The following CIAO2B variants were observed in gnomAD, a reference collection of about 807,000 sequenced individuals.
CIAO2B encodes cytosolic iron-sulfur assembly component 2B, also known as MSS19-interacting protein of 18 kDa.
Under a neutral mutation model 16.4 loss-of-function variants are expected in CIAO2B, and 20 were observed. The observed-to-expected ratio is 1.22, with a 90% CI of 0.86 to 1.77. The LOEUF (loss-of-function observed/expected upper bound fraction) is 1.77. CIAO2B is among the 40% of genes most tolerant of loss of function. CIAO2B has a pLI of 0.00. For synonymous variants in CIAO2B, 106 were observed against 90.4 expected, an observed-to-expected ratio of 1.17 and a Z score of -0.98; for missense variants, 215 against 222.4, an observed-to-expected ratio of 0.97 and a Z score of 0.21.
Position 66,934,184 on chromosome 16 carries a change from A to C in CIAO2B, c.142+39T>G. On this transcript the variant is annotated intron_variant, in intron 1 of 4. Coordinates refer to ENST00000422424, the MANE Select transcript of CIAO2B (RefSeq NM_016062.4). This position sits in a 1 kb window ranked among gnomAD's most constrained non-coding sequence, Gnocchi z 4.1. The stretch of plus-strand genomic sequence containing the variant: ...CGATATCACTGCTCCCCCCACCGCA[A>C]GCCCCCGGAACCCGCCCGCGCCCAG... The C allele has an allele frequency of 6.2e-7, 1 of 1,608,672 alleles. No homozygotes were observed. The highest frequency in any genetic ancestry group is 1.3e-5 in the African/African-American group (1 of 74,960).
In CIAO2B at chr16:66,934,365, C is replaced by G. The variant is rs375950439; in HGVS notation, c.-1G>C. 6.5e-7 allele frequency: 1 copy of G among 1,550,378 alleles called. No homozygotes were observed. Among genetic ancestry groups the G allele is most frequent in the East Asian group, 2.4e-5 (1 of 42,548 alleles). ...CGCCGACCCCGCCGCCGCCTACCAT[C>G]GCGGAACCACCACCGCTGATCCTAG... On this transcript the variant is annotated 5_prime_UTR_variant, in exon 1 of 5. Coordinates refer to ENST00000422424, the MANE Select transcript of CIAO2B (RefSeq NM_016062.4). The surrounding 1 kb of genome is among the most constrained non-coding windows in gnomAD (Gnocchi z 4.1).
chr16:66,934,242 G>A lies in CIAO2B; in HGVS notation c.123C>T (p.Ile41=), dbSNP rs1381360481. The A allele has an allele frequency of 6.2e-7, 1 of 1,609,642 alleles. No individual in the cohort carries two copies. Among genetic ancestry groups the A allele is most frequent in the Non-Finnish European group, 8.5e-7 (1 of 1,179,382 alleles). Residue 41 remains isoleucine (I), a synonymous_variant, in exon 1 of 5, where the codon ATC becomes ATT. Coordinates refer to ENST00000422424, the MANE Select transcript of CIAO2B (RefSeq NM_016062.4). The surrounding 1 kb of genome is among the most constrained non-coding windows in gnomAD (Gnocchi z 4.1). ...GGATATCGAAGATCTCGCGTGCGTC[G>A]ATGCTGTCGGGAACCTGCTCGTCCT... ...GEEDEQVPDS[I]DAREIFDLIR... is the part of the protein sequence containing the mutation.
At chr16:66,933,851 C>T in intron 2 of CIAO2B, 112 bp from the exon 3 acceptor site, 3 of 1,537,072 alleles carry the variant, frequency 2.0e-6, no homozygotes, top group Non-Finnish European at 2.6e-6. Flanking sequence ...AGTTTCAACA[C>T]CCATAAAATA....
In CIAO2B at chr16:66,932,805, C is replaced by T. The variant is rs771948882; in HGVS notation, c.369G>A (p.Pro123=). 27 of 1,611,730 alleles carry T rather than the reference C, an allele frequency of 1.7e-5. No homozygotes were observed. The highest frequency in any genetic ancestry group is 2.7e-5 in the African/African-American group (2 of 74,818). ...CTGCATGCTCTGAGGCATGGGTCCC[C>T]GGAGTAATGTGCACGTCCATCTGGG... ...QRFKMDVHIT[P]GTHASEHAVN... The change falls in exon 4 of 5, where the codon CCG becomes CCA. Residue 123 remains proline (P), a synonymous_variant. Coordinates refer to ENST00000422424, the MANE Select transcript of CIAO2B (RefSeq NM_016062.4).
In CIAO2B at chr16:66,932,115, T is replaced by C. The variant is rs1963065597; in HGVS notation, c.*88A>G. The C allele has an allele frequency of 4.2e-6, 4 of 941,978 alleles. No individual in the cohort carries two copies. Among genetic ancestry groups the C allele is most frequent in the Admixed American group, 2.7e-5 (1 of 36,432 alleles). 58.4% of individuals were successfully genotyped at this position (941,978 alleles called of 1,614,324 possible). A position where few individuals can be genotyped will look rare whatever the true frequency, so the allele number is the denominator to read the frequency against. On this transcript the variant is annotated 3_prime_UTR_variant, in exon 5 of 5. Transcript: ENST00000422424. ...AAAGCAAAATGTTAGTTTCTCATTG[T>C]GAGTGATTCAAGAAAACAACGGTAA... is the stretch of plus-strand genomic sequence containing the variant.
intron 2 of CIAO2B, 49 bp downstream of exon 2, chr16:66,933,938 A>T: frequency 1.2e-6 from 2 of 1,607,570 alleles, no homozygotes; most frequent in Non-Finnish European, 1.7e-6. Flanking sequence ...GCTGCACAGA[A>T]ACCTTTCTGA....
rs1404323006 is a variant in CIAO2B at position 66,932,949 on chromosome 16, G to A, written c.349-124C>T. On this transcript the variant is annotated intron_variant, in intron 3 of 4. Transcript: ENST00000422424. ...CTCCTAATCATGCCTTTGGACTCTG[G>A]CCCTTCCGTTACACCCCAAACCCAT... is the stretch of plus-strand genomic sequence containing the variant. 11 of 1,051,190 alleles carry A rather than the reference G, an allele frequency of 1.0e-5. No homozygotes were observed. The Admixed American group carries it at 2.2e-4, about 21-fold the overall frequency. The allele number at this position is 1,051,190 out of a possible 1,614,324, so 65.1% of individuals were successfully genotyped here.
chr16:66,932,975 C>T (rs1963088620), intron 3 of CIAO2B, 150 bp from the exon 4 acceptor site: 2 of 776,454 alleles, frequency 2.6e-6, no homozygotes, highest in Non-Finnish European at 4.2e-6. Flanking sequence ...CCAAACCCAT[C>T]CACAGGTATT....
Position 66,932,445 on chromosome 16 carries a change from C to T in CIAO2B, c.395-145G>A, listed in dbSNP as rs1483030502. On this transcript the variant is annotated intron_variant, in intron 4 of 4. Coordinates refer to ENST00000422424, the MANE Select transcript of CIAO2B (RefSeq NM_016062.4). ...CTGTCACCTCCTTCCCAGGACCCCACATATTGATCAGGCTACTTCAACCAC... is the reference window on the plus strand; with the variant it reads ...CTGTCACCTCCTTCCCAGGACCCCATATATTGATCAGGCTACTTCAACCAC... 1.1e-5 allele frequency: 8 copies of T among 751,388 alleles called. No homozygotes were observed. The Admixed American group carries it at 1.4e-4, about 13-fold the overall frequency. 46.5% of individuals were successfully genotyped at this position (751,388 alleles called of 1,614,324 possible). A position where few individuals can be genotyped will look rare whatever the true frequency, so the allele number is the denominator to read the frequency against.
chr16:66,933,090 T>C (rs1963091430), intron 3 of CIAO2B, among the ~76,000 whole-genome samples: 1 of 152,000 alleles, frequency 6.6e-6, no homozygotes, highest in Admixed American at 6.6e-5. Flanking sequence ...CAGGTTCAAT[T>C]TGATTCTCCT....
intron 4 of CIAO2B, chr16:66,932,569 G>A: frequency 1.4e-6 from 1 of 732,940 alleles, no homozygotes; most frequent in East Asian, 2.7e-5. Context: ...TTGGTGAGAG[G>A]GGATTTGGGA....
intron 4 of CIAO2B, 92 bp from the exon 5 acceptor site, chr16:66,932,392 A>G: frequency 1.0e-6 from 1 of 976,844 alleles, no homozygotes; most frequent in Non-Finnish European, 1.6e-6. Context: ...TCTATATAGG[A>G]TATGTCCCCC....
intron 3 of CIAO2B, 125 bp from the exon 4 acceptor site, chr16:66,932,950 C>A: frequency 9.6e-7 from 1 of 1,037,074 alleles, no homozygotes; most frequent in Non-Finnish European, 1.4e-6. Flanking sequence ...TGGACTCTGG[C>A]CCTTCCGTTA....
At chr16:66,933,334 T>A in intron 3 of CIAO2B, 1 of 430,722 alleles carries the variant, frequency 2.3e-6, no homozygotes, top group Non-Finnish European at 4.2e-6. Context: ...CTACTGTTGA[T>A]TTAAAGGCCT....
At chr16:66,932,403 G>C (rs1205000913) in intron 4 of CIAO2B, 103 bp from the exon 5 acceptor site, 1 of 901,492 alleles carries the variant, frequency 1.1e-6, no homozygotes, top group Non-Finnish European at 1.8e-6. Flanking sequence ...TATGTCCCCC[G>C]CAGCAACAGA....
Position 66,934,028 on chromosome 16 carries a change from T to G in CIAO2B, c.181A>C (p.Thr61Pro). ...RSINDPEHPL[T>P]LEELNVVEQV... is the part of the protein sequence containing the mutation. ...TCTACTACGTTCAACTCCTCTAGCG[T>G]CAGTGGATGCTCCGGGTCATTGATG... Residue 61 changes from threonine (T) to proline (P), a missense_variant, in exon 2 of 5, where the codon ACG becomes CCG. By Grantham distance (38) the Thr-to-Pro change is conservative. Coordinates refer to ENST00000422424, the MANE Select transcript of CIAO2B (RefSeq NM_016062.4). This position sits in a 1 kb window ranked among gnomAD's most constrained non-coding sequence, Gnocchi z 4.1. 1.2e-6 allele frequency: 2 copies of G among 1,613,748 alleles called. No homozygotes were observed. Among genetic ancestry groups the G allele is most frequent in the Non-Finnish European group, 1.7e-6 (2 of 1,179,856 alleles).
chr16:66,933,590 T>A (rs374659607), intron 3 of CIAO2B, 24 bp downstream of exon 3: 16 of 1,606,216 alleles, frequency 1.0e-5, no homozygotes, highest in Non-Finnish European at 1.4e-5. Flanking sequence ...CTGGTCTCAC[T>A]CCCGGGGCTC....
In CIAO2B at chr16:66,934,207, C is replaced by G. The variant is rs1963135618; in HGVS notation, c.142+16G>C. 2 of 1,608,462 alleles carry G rather than the reference C, an allele frequency of 1.2e-6. No individual in the cohort carries two copies. Among genetic ancestry groups the G allele is most frequent in the Non-Finnish European group, 1.7e-6 (2 of 1,177,688 alleles). Reference sequence around the variant, plus strand: ...CAAGCCCCCGGAACCCGCCCGCGCCCAGCAGCGGCGGATATCGAAGATCTC... The same window carrying G: ...CAAGCCCCCGGAACCCGCCCGCGCCGAGCAGCGGCGGATATCGAAGATCTC... On this transcript the variant is annotated intron_variant, in intron 1 of 4. Coordinates refer to ENST00000422424, the MANE Select transcript of CIAO2B (RefSeq NM_016062.4). This position sits in a 1 kb window ranked among gnomAD's most constrained non-coding sequence, Gnocchi z 4.1.
chr16:66,932,263 AG>A lies in CIAO2B; in HGVS notation c.431del (p.Ala144ValfsTer12), dbSNP rs754741469. 1 of 1,613,908 alleles carries A rather than the reference AG, an allele frequency of 6.2e-7. No homozygotes were observed. The highest frequency in any genetic ancestry group is 1.7e-5 in the Admixed American group (1 of 59,998). ...KQLADKERVA[A>X]ALENTHLLEV... is the part of the protein sequence containing the mutation. The stretch of plus-strand genomic sequence containing the variant: ...CCAAGAGGTGGGTGTTCTCCAGGGC[AG>A]CTGCCACCCGCTCCTTATCTGCAAG... On this transcript the variant is annotated frameshift_variant, in exon 5 of 5. Transcript: ENST00000422424. LOFTEE classifies it high-confidence loss of function.
Sources: allele counts gnomAD v4.1 joint callset (sites outside exome capture counted in the v4.1 genomes callset), GRCh38; gene constraint gnomAD v4.1.1; non-coding constraint Gnocchi (gnomAD v3.1); transcripts MANE v1.5; gene names NCBI Gene and HGNC (gene_info 2026-07-23, HGNC 2026-07-21).